Variants in KIAA1549 observed in about 807,000 individuals in gnomAD.
KIAA1549 encodes the protein UPF0606 protein KIAA1549.
In KIAA1549, 70 loss-of-function variants were observed where a neutral mutation model predicts 156.4. The ratio of observed to expected loss-of-function variants is 0.45; its 90% CI spans 0.37 to 0.55. The LOEUF is 0.55. Ranked by LOEUF, KIAA1549 falls within the 20% of genes least tolerant of loss-of-function variation. KIAA1549 has a pLI of 0.00. For synonymous variants in KIAA1549, 1,103 were observed against 1,066.4 expected, an observed-to-expected ratio of 1.03 and a Z score of -0.67; for missense variants, 2,428 against 2,540.9, an observed-to-expected ratio of 0.96 and a Z score of 0.96.
chr7:138,954,893 G>T (rs1443102571), intron 1 of KIAA1549, among the ~76,000 whole-genome samples: 3 of 152,126 alleles, frequency 2.0e-5, no homozygotes, highest in Non-Finnish European at 1.5e-5. Flanking sequence ...CTGGAAGGGG[G>T]ACCCAGGGGC....
chr7:138,975,893 C>T (rs1814363564), intron 1 of KIAA1549, among the ~76,000 whole-genome samples: 1 of 152,200 alleles, frequency 6.6e-6, no homozygotes, highest in African/African-American at 2.4e-5. Context: ...TAACAACTCC[C>T]TGGCTGGGTT....
chr7:138,862,707 G>C (rs1810622556), intron 15 of KIAA1549, among the ~76,000 whole-genome samples: 1 of 152,108 alleles, frequency 6.6e-6, no homozygotes, highest in African/African-American at 2.4e-5. Flanking sequence ...GAGATGGGTG[G>C]ATCACCTGAG....
chr7:138,866,054 C>T (rs1043762220), intron 15 of KIAA1549, among the ~76,000 whole-genome samples: 2 of 152,188 alleles, frequency 1.3e-5, no homozygotes, highest in African/African-American at 4.8e-5. Context: ...CAAATACCCC[C>T]AGAACCCAAC....
At chr7:138,876,232 T>C (rs982853659) in intron 12 of KIAA1549, 1 of 152,234 alleles carries the variant, frequency 6.6e-6, no homozygotes, top group African/African-American at 2.4e-5. Context: ...CATGAAAAGA[T>C]AAGAATTCTA....
rs759377606 is a variant in KIAA1549, at chr7:138,837,027, G to A, written c.*879C>T. On this transcript the variant is annotated 3_prime_UTR_variant, in exon 20 of 20. Coordinates refer to ENST00000422774, the MANE Select transcript of KIAA1549 (RefSeq NM_001164665.2). ...CTTGAAAGCCGCATTCTACAGGATC[G>A]GCCTTAGCGATCGGTGCTGAACTGG... is the stretch of plus-strand genomic sequence containing the variant. The A allele has an allele frequency of 4.4e-5, 10 of 228,930 alleles. No individual in the cohort carries two copies. Among genetic ancestry groups the A allele is most frequent in the African/African-American group, 2.0e-4 (9 of 45,232 alleles). The allele number at this position is 228,930 out of a possible 1,614,324, so 14.2% of individuals were successfully genotyped here.
At chr7:138,866,733 G>A (rs1227908488) in intron 15 of KIAA1549, among the ~76,000 whole-genome samples, 3 of 152,172 alleles carry the variant, frequency 2.0e-5, no homozygotes, top group South Asian at 2.1e-4. Flanking sequence ...TGCATCTTAC[G>A]CTATCAATAA....
rs1490028892 is a variant in KIAA1549 at position 138,918,920 on chromosome 7, A to G, written c.706T>C (p.Phe236Leu). 6 of 1,613,896 alleles carry G rather than the reference A, an allele frequency of 3.7e-6. No homozygotes were observed. The highest frequency in any genetic ancestry group is 1.3e-5 in the African/African-American group (1 of 74,918). ...GGAACGATGCCCTCAGAGGTGCGAA[A>G]AGCTGACCGAAAGGTGTGGAAATGA... ...ASHFHTFRSA[F>L]RTSEGIVPTP... The change falls in exon 2 of 20, where the codon TTT (phenylalanine) becomes CTT (leucine). Residue 236 changes from phenylalanine to leucine, a missense_variant. By Grantham distance (22) the Phe-to-Leu change is conservative. This residue lies in a region of KIAA1549 where 893 missense variants were observed against 847.9 expected (regional missense o/e 1.05). Coordinates refer to ENST00000422774, the MANE Select transcript of KIAA1549 (RefSeq NM_001164665.2). The surrounding 1 kb of genome is among the most constrained non-coding windows in gnomAD (Gnocchi z 4.2).
At chr7:138,928,925 T>A (rs1049508409) in intron 1 of KIAA1549, among the ~76,000 whole-genome samples, 7 of 151,908 alleles carry the variant, frequency 4.6e-5, no homozygotes, top group Non-Finnish European at 8.8e-5. Flanking sequence ...TTAAAAAAAA[T>A]GTACACATCT....
chr7:138,845,375 T>A (rs1275833568), intron 17 of KIAA1549, among the ~76,000 whole-genome samples: 1 of 152,118 alleles, frequency 6.6e-6, no homozygotes, highest in African/African-American at 2.4e-5. Flanking sequence ...AGAGAATACA[T>A]AGTTGGAAAA....
In KIAA1549 at chr7:138,885,887, C is replaced by T. The variant is rs147715981; in HGVS notation, c.4033-4303G>A. 2.0e-3 allele frequency among the ~76,000 whole-genome samples: 300 copies of T among 152,164 alleles called. 2 individuals carry two copies. Among genetic ancestry groups the T allele is most frequent in the African/African-American group, 6.9e-3 (288 of 41,510 alleles). ...TGGAGACCTACACTTGTGATGGGTG[C>T]GGGTGGAGGAGGACAGTCTTGGGGA... On this transcript the variant is annotated intron_variant, in intron 10 of 19. Transcript: ENST00000422774.
At chr7:138,956,208 T>C (rs1240093565) in intron 1 of KIAA1549, among the ~76,000 whole-genome samples, 1 of 152,182 alleles carries the variant, frequency 6.6e-6, no homozygotes, top group African/African-American at 2.4e-5. Context: ...ATTTAGTTCA[T>C]GGAACAGGTC....
At chr7:138,971,677 C>T (rs979817839) in intron 1 of KIAA1549, among the ~76,000 whole-genome samples, 42 of 152,180 alleles carry the variant, frequency 2.8e-4, no homozygotes, top group African/African-American at 9.2e-4. Flanking sequence ...GTTGAGAAAC[C>T]GTCTTACAGC....
chr7:138,974,866 T>C (rs1411226571), intron 1 of KIAA1549, among the ~76,000 whole-genome samples: 1 of 151,560 alleles, frequency 6.6e-6, no homozygotes, highest in Non-Finnish European at 1.5e-5. Flanking sequence ...CAAAAGCAGG[T>C]GTCTCTCAAG....
rs576515088 is a variant in KIAA1549, at chr7:138,946,234, T to C, written c.188-26796A>G. Among the ~76,000 whole-genome samples the C allele has an allele frequency of 5.3e-5, 8 of 152,346 alleles. No homozygotes were observed. In the South Asian group the frequency reaches 1.7e-3, roughly 32 times the overall value. The stretch of plus-strand genomic sequence containing the variant: ...GTTATTCTCTGCTTTTAAACACTGG[T>C]TATAGTTTTCTCTTTAAAACATTGT... On this transcript the variant is annotated intron_variant, in intron 1 of 19. Transcript: ENST00000422774.
At position 138,919,210 on chromosome 7, in the gene KIAA1549, A is replaced by T; in HGVS notation, c.416T>A (p.Val139Glu). The T allele has an allele frequency of 6.2e-7, 1 of 1,613,906 alleles. No individual in the cohort carries two copies. The highest frequency in any genetic ancestry group is 2.2e-5 in the East Asian group (1 of 44,888). Residue 139 changes from valine to glutamate, a missense_variant, in exon 2 of 20, where the codon GTG becomes GAG. Physicochemically the swap from Val to Glu is moderately radical, Grantham distance 121. Around this residue, in one of 5 missense-constraint regions of KIAA1549, gnomAD observed 893 missense variants for 847.9 expected, o/e 1.05. Coordinates refer to ENST00000422774, the MANE Select transcript of KIAA1549 (RefSeq NM_001164665.2). ...ACTCGTCACTGACACGTAAGTTGCC[A>T]CAAAGATGCTGGGATCTGCTGTACT... The part of the protein sequence containing the change: ...TKSTADPSIF[V>E]ATYVSVTSKE...
intron 14 of KIAA1549, among the ~76,000 whole-genome samples, chr7:138,868,527 A>C (rs2130379973): frequency 6.6e-6 from 1 of 152,262 alleles, no homozygotes; most frequent in Non-Finnish European, 1.5e-5. Flanking sequence ...TCCCAGGTTG[A>C]AACAATTCTC....
chr7:138,851,025 T>C (rs972461600), intron 17 of KIAA1549, among the ~76,000 whole-genome samples: 10 of 152,214 alleles, frequency 6.6e-5, no homozygotes, highest in African/African-American at 2.4e-4. Context: ...TTAGGTCAAA[T>C]TGATTAATCA....
rs1217023739 is a variant in KIAA1549, at chr7:138,831,586, C to T, written c.*6320G>A. Reference sequence around the variant, plus strand: ...CCGATTATTAAATCGTATACCCATACTGAGATTTCAGTGCCTGTTTGAGGA... The same window carrying T: ...CCGATTATTAAATCGTATACCCATATTGAGATTTCAGTGCCTGTTTGAGGA... On this transcript the variant is annotated 3_prime_UTR_variant, in exon 20 of 20. Coordinates refer to ENST00000422774, the MANE Select transcript of KIAA1549 (RefSeq NM_001164665.2). The T allele has an allele frequency of 4.4e-6, 1 of 227,814 alleles. No individual in the cohort carries two copies. The highest frequency in any genetic ancestry group is 2.2e-5 in the African/African-American group (1 of 45,072). The allele number at this position is 227,814 out of a possible 1,614,324, so 14.1% of individuals were successfully genotyped here.
intron 1 of KIAA1549, among the ~76,000 whole-genome samples, chr7:138,963,568 AC>A (rs1813918676): frequency 6.6e-6 from 1 of 152,226 alleles, no homozygotes; most frequent in African/African-American, 2.4e-5. Flanking sequence ...TAAACTTTAT[AC>A]CAGATCTAGG....
Sources: allele counts gnomAD v4.1 joint callset (sites outside exome capture counted in the v4.1 genomes callset), GRCh38; gene constraint gnomAD v4.1.1; regional missense constraint gnomAD v4.1.1; non-coding constraint Gnocchi (gnomAD v3.1); transcripts MANE v1.5; gene names NCBI Gene and HGNC (gene_info 2026-07-23, HGNC 2026-07-21).